Variants in UNC80 observed in about 807,000 individuals in gnomAD.
The protein encoded by UNC80 is unc-80 subunit of NALCN channel complex.
UNC80 carries 164 observed loss-of-function variants against 384.6 expected under a neutral mutation model. The ratio of observed to expected loss-of-function variants is 0.43; its 90% confidence interval spans 0.38 to 0.49. The LOEUF (loss-of-function observed/expected upper bound fraction) is 0.49, where lower values mean the gene tolerates loss of function less well. UNC80 is among the 20% of genes least tolerant of loss of function. UNC80 has a pLI of 0.00. For synonymous variants in UNC80, 1,486 were observed against 1,527.8 expected (o/e 0.97, Z 0.64); for missense variants, 3,330 against 4,143.0 (o/e 0.80, Z 5.39).
At chr2:209,813,087 A>T (rs1281438261) in intron 7 of UNC80, among the ~76,000 whole-genome samples, 1 of 152,238 alleles carries the variant, frequency 6.6e-6, no homozygotes, top group African/African-American at 2.4e-5. Flanking sequence ...AAATAGCTCA[A>T]TGAAGTAGGC....
At chr2:209,817,179 T>A in intron 10 of UNC80, 54 bp downstream of exon 10, 1 of 1,490,240 alleles carries the variant, frequency 6.7e-7, no homozygotes, top group Non-Finnish European at 9.1e-7. Context: ...TGTTTAGAAC[T>A]GGATCTAGGG....
At chr2:209,801,683 C>T (rs1391748270) in intron 7 of UNC80, among the ~76,000 whole-genome samples, 5 of 117,208 alleles carry the variant, frequency 4.3e-5, no homozygotes, top group Non-Finnish European at 8.5e-5. Context: ...GCCCGGCCAA[C>T]CCCTGCTTTT....
At chr2:209,964,023 A>C (rs2092673659) in intron 51 of UNC80, among the ~76,000 whole-genome samples, 1 of 152,202 alleles carries the variant, frequency 6.6e-6, no homozygotes, top group Non-Finnish European at 1.5e-5. Context: ...CAATCTAAAT[A>C]ATCAGAGAGG....
intron 53 of UNC80, chr2:209,970,266 A>G (rs1001176472): frequency 1.4e-5 from 3 of 207,390 alleles, no homozygotes; most frequent in Non-Finnish European, 2.9e-5. Context: ...TTTTTCTCTT[A>G]TGGTGCAAAA....
At chr2:209,792,494 C>T (rs1237911255) in intron 6 of UNC80, among the ~76,000 whole-genome samples, 1 of 151,836 alleles carries the variant, frequency 6.6e-6, no homozygotes, top group Non-Finnish European at 1.5e-5. Flanking sequence ...ACTACAGGCG[C>T]CCACCACCGC....
At chr2:209,988,818 C>G (rs2093340096) in intron 61 of UNC80, among the ~76,000 whole-genome samples, 1 of 152,170 alleles carries the variant, frequency 6.6e-6, no homozygotes, top group Non-Finnish European at 1.5e-5. Context: ...GCATTTACTT[C>G]TCTAAGACCT....
intron 7 of UNC80, among the ~76,000 whole-genome samples, chr2:209,801,008 A>C (rs1379375924): frequency 1.3e-5 from 2 of 151,938 alleles, no homozygotes; most frequent in Non-Finnish European, 2.9e-5. Context: ...GCCAAGTGAC[A>C]CTGAGAAGAA....
At chr2:209,907,608 C>T (rs1038349227) in intron 29 of UNC80, among the ~76,000 whole-genome samples, 1 of 152,158 alleles carries the variant, frequency 6.6e-6, no homozygotes, top group Non-Finnish European at 1.5e-5. Context: ...GCACAGAGGA[C>T]TGTGATGCAT....
At chr2:209,952,341 G>A (rs1321248071) in intron 47 of UNC80, among the ~76,000 whole-genome samples, 1 of 152,150 alleles carries the variant, frequency 6.6e-6, no homozygotes, top group Non-Finnish European at 1.5e-5. Context: ...AATTGTGGTA[G>A]GGCAGATCAT....
intron 47 of UNC80, among the ~76,000 whole-genome samples, chr2:209,949,438 T>C (rs901897804): frequency 2.0e-5 from 3 of 152,134 alleles, no homozygotes; most frequent in Non-Finnish European, 4.4e-5. Context: ...ACTCATAAGA[T>C]GAAATGGAAA....
intron 47 of UNC80, among the ~76,000 whole-genome samples, chr2:209,953,659 A>G (rs1575127588): frequency 2.0e-5 from 3 of 151,926 alleles, no homozygotes; most frequent in Admixed American, 2.0e-4. Flanking sequence ...GTTGCTATTT[A>G]TTTTTTTAAG....
At chr2:209,953,328 G>A (rs576799632) in intron 47 of UNC80, among the ~76,000 whole-genome samples, 2 of 139,888 alleles carry the variant, frequency 1.4e-5, no homozygotes, top group African/African-American at 5.3e-5. Context: ...TGAGGTAGGA[G>A]AATCACTTGA....
At chr2:209,852,794 T>C (rs746930049) in intron 22 of UNC80, among the ~76,000 whole-genome samples, 2 of 152,170 alleles carry the variant, frequency 1.3e-5, no homozygotes, top group Non-Finnish European at 2.9e-5. Flanking sequence ...TTTTAGCTTT[T>C]GTTTCCTTTG....
At chr2:209,854,141 T>C (rs2124847499) in intron 22 of UNC80, among the ~76,000 whole-genome samples, 1 of 152,176 alleles carries the variant, frequency 6.6e-6, no homozygotes, top group Non-Finnish European at 1.5e-5. Context: ...AGATATTTAA[T>C]GATCAATGCA....
chr2:209,945,736 CAAGAA>C, intron 46 of UNC80, 106 bp from the exon 47 acceptor site: 1 of 638,312 alleles, frequency 1.6e-6, no homozygotes. Flanking sequence ...TAAAATTTAA[CAAGAA>C]AAGGCTACAG....
intron 14 of UNC80, among the ~76,000 whole-genome samples, chr2:209,827,552 A>T (rs1039182898): frequency 6.6e-6 from 1 of 152,084 alleles, no homozygotes; most frequent in African/African-American, 2.4e-5. Context: ...CTGTCTAATC[A>T]ATTTGACTTA....
chr2:209,868,611 G>A (rs887937466), intron 22 of UNC80, among the ~76,000 whole-genome samples: 5 of 152,024 alleles, frequency 3.3e-5, no homozygotes, highest in Non-Finnish European at 7.4e-5. Flanking sequence ...TAAAATTCAA[G>A]GAAAAAATGG....
chr2:209,978,967 G>C (rs1187972647), intron 59 of UNC80, among the ~76,000 whole-genome samples: 5 of 152,202 alleles, frequency 3.3e-5, no homozygotes, highest in South Asian at 4.1e-4. Flanking sequence ...TTCTGCTTCT[G>C]GCTGGGCACG....
chr2:209,993,187 A>G lies in UNC80; in HGVS notation c.9397-128A>G. 13 of 672,306 alleles carry G rather than the reference A, an allele frequency of 1.9e-5. 1 individual carries two copies. In the South Asian group the frequency reaches 3.2e-4, roughly 17 times the overall value. The allele number at this position is 672,306 out of a possible 1,614,324, so 41.6% of individuals were successfully genotyped here. A position where few individuals can be genotyped will look rare whatever the true frequency, so the allele number is the denominator to read the frequency against. On this transcript the variant is annotated intron_variant, in intron 62 of 64. Coordinates refer to ENST00000673920, the MANE Select transcript of UNC80 (RefSeq NM_001371986.1). ...AAAATACTTATAGTTAAATATGCAG[A>G]AATAAATTTATCAGCTATAAATGTA...
Sources: gnomAD v4.1 joint callset for allele counts (sites outside exome capture counted in the v4.1 genomes callset) on GRCh38, gnomAD v4.1.1 for gene constraint, MANE v1.5 for transcripts, NCBI Gene and HGNC (gene_info 2026-07-23, HGNC 2026-07-21) for gene names.